ACER3: variants seen among roughly 807,000 people sequenced by gnomAD.
ACER3 encodes alkaline ceramidase 3.
A neutral mutation model predicts 48.9 loss-of-function variants in ACER3; 16 were observed. The ratio of observed to expected loss-of-function variants is 0.33; its 90% CI spans 0.22 to 0.50. ACER3 has a LOEUF of 0.50. Ranked by LOEUF, ACER3 falls within the 20% of genes least tolerant of loss-of-function variation. The pLI, the probability that ACER3 is intolerant of heterozygous loss-of-function variation, is 0.98. For missense variants in ACER3, 227 were observed against 326.0 expected, an observed-to-expected ratio of 0.70 and a Z score of 2.34; for synonymous variants, 109 against 107.8, an observed-to-expected ratio of 1.01 and a Z score of -0.07.
At chr11:76,905,519 T>G (rs1946206730) in intron 1 of ACER3, among the ~76,000 whole-genome samples, 1 of 152,170 alleles carries the variant, frequency 6.6e-6, no homozygotes, top group Non-Finnish European at 1.5e-5. Flanking sequence ...CCTTTCCATT[T>G]CTTTCTTTTT....
At chr11:76,991,040 T>C (rs1038382979) in intron 6 of ACER3, among the ~76,000 whole-genome samples, 55 of 152,300 alleles carry the variant, frequency 3.6e-4, no homozygotes, top group African/African-American at 1.2e-3. Context: ...GTGCATGCCA[T>C]CATGACACCA....
intron 1 of ACER3, among the ~76,000 whole-genome samples, chr11:76,918,985 TGCA>T (rs1176823789): frequency 5.8e-5 from 2 of 34,564 alleles, no homozygotes; most frequent in Non-Finnish European, 4.1e-4. Flanking sequence ...AAAATGAACT[TGCA>T]TTGGGGAAAA....
intron 2 of ACER3, among the ~76,000 whole-genome samples, chr11:76,937,156 A>G (rs1276490869): frequency 1.3e-5 from 2 of 152,222 alleles, no homozygotes; most frequent in Non-Finnish European, 2.9e-5. Context: ...AATAAGAGAA[A>G]TGCAAATGAA....
rs1404093514 is a variant in ACER3, at chr11:77,025,334, T to A, written c.*5007T>A. 1.3e-5 allele frequency: 2 copies of A among 150,692 alleles called. No individual in the cohort carries two copies. The highest frequency in any genetic ancestry group is 2.9e-5 in the Non-Finnish European group (2 of 67,814). The allele number at this position is 150,692 out of a possible 1,614,324, so 9.3% of individuals were successfully genotyped here. On this transcript the variant is annotated 3_prime_UTR_variant, in exon 11 of 11. Coordinates refer to ENST00000532485, the MANE Select transcript of ACER3 (RefSeq NM_018367.7). ...GTAAACTACAACCCATGGGCCAAATTCAGGCTGCGTTGTATGGCCTGCAAG... is the reference window on the plus strand; with the variant it reads ...GTAAACTACAACCCATGGGCCAAATACAGGCTGCGTTGTATGGCCTGCAAG...
chr11:77,006,872 G>C (rs1949161645), intron 7 of ACER3, among the ~76,000 whole-genome samples: 1 of 152,168 alleles, frequency 6.6e-6, no homozygotes, highest in Admixed American at 6.5e-5. Context: ...ATACATGGGA[G>C]GTTGAGGTGG....
intron 1 of ACER3, among the ~76,000 whole-genome samples, chr11:76,897,837 C>T (rs565492209): frequency 2.6e-5 from 4 of 152,166 alleles, no homozygotes; most frequent in South Asian, 4.2e-4. Context: ...ATGAAAAAAG[C>T]GGCTAAGTTG....
intron 7 of ACER3, 87 bp from the exon 8 acceptor site, chr11:77,014,929 A>G: frequency 2.5e-6 from 2 of 809,226 alleles, no homozygotes; most frequent in Admixed American, 2.1e-5. Flanking sequence ...AGCCCTTATA[A>G]AAAAGGAAGA....
intron 5 of ACER3, among the ~76,000 whole-genome samples, chr11:76,988,441 A>G (rs1043708014): frequency 2.0e-5 from 3 of 152,170 alleles, no homozygotes; most frequent in African/African-American, 7.2e-5. Context: ...AACTTAACAA[A>G]TCATCGTGGA....
At chr11:76,918,215 A>G (rs908224209) in intron 1 of ACER3, among the ~76,000 whole-genome samples, 5 of 150,458 alleles carry the variant, frequency 3.3e-5, no homozygotes, top group Non-Finnish European at 5.9e-5. Flanking sequence ...ATTGAATTAC[A>G]TTTGTGTTTA....
rs565837018 is a variant in ACER3, at chr11:76,964,175, C to A, written c.267+5144C>A. Among the ~76,000 whole-genome samples, 66 of 151,584 alleles carry A rather than the reference C, an allele frequency of 4.4e-4. 3 individuals are homozygous for A. Among genetic ancestry groups the A allele is most frequent in the African/African-American group, 1.4e-3 (58 of 40,846 alleles). The stretch of plus-strand genomic sequence containing the variant: ...CACACCAGGAGATTATATCCCGCAC[C>A]TGGCTCGGAGGGTCCTACGCCCACG... On this transcript the variant is annotated intron_variant, in intron 3 of 10. Transcript: ENST00000532485.
chr11:76,918,546 T>G (rs1946600035), intron 1 of ACER3, among the ~76,000 whole-genome samples: 1 of 151,590 alleles, frequency 6.6e-6, no homozygotes, highest in African/African-American at 2.4e-5. Flanking sequence ...TTATGTGGGG[T>G]TTTTTTTCAA....
In ACER3 at chr11:77,016,886, A is replaced by G. The variant is rs551571163; in HGVS notation, c.704+107A>G. On this transcript the variant is annotated intron_variant, in intron 9 of 10. Coordinates refer to ENST00000532485, the MANE Select transcript of ACER3 (RefSeq NM_018367.7). ...TTTTTAAAACACTAGAAAATTCACA[A>G]ACATGAAAATTAAATAGTACACTCT... The G allele has an allele frequency of 3.5e-5, 20 of 576,950 alleles. No homozygotes were observed. The South Asian group carries it at 5.7e-4, about 16-fold the overall frequency. The allele number at this position is 576,950 out of a possible 1,614,324, so 35.7% of individuals were successfully genotyped here. A position where few individuals can be genotyped will look rare whatever the true frequency, so the allele number is the denominator to read the frequency against.
chr11:76,955,046 G>A (rs1316211345), intron 2 of ACER3, among the ~76,000 whole-genome samples: 1 of 152,104 alleles, frequency 6.6e-6, no homozygotes, highest in African/African-American at 2.4e-5. Context: ...CCTCGTTAAG[G>A]AAATACTAAT....
intron 7 of ACER3, among the ~76,000 whole-genome samples, chr11:77,006,731 ATGT>A (rs1949158125): frequency 6.6e-6 from 1 of 151,680 alleles, no homozygotes; most frequent in South Asian, 2.1e-4. Flanking sequence ...CATAGGTAAG[ATGT>A]TGTTTGTCTC....
chr11:77,014,073 C>A (rs1321010703), intron 7 of ACER3, among the ~76,000 whole-genome samples: 1 of 152,118 alleles, frequency 6.6e-6, no homozygotes, highest in African/African-American at 2.4e-5. Context: ...TGGGTATGTA[C>A]AGATGTACTG....
At chr11:77,012,286 C>T (rs962267578) in intron 7 of ACER3, among the ~76,000 whole-genome samples, 29 of 151,888 alleles carry the variant, frequency 1.9e-4, no homozygotes, top group African/African-American at 5.6e-4. Flanking sequence ...GGCATGGTGG[C>T]GCACGCCTGT....
At chr11:76,885,758 G>C (rs545999538) in intron 1 of ACER3, among the ~76,000 whole-genome samples, 1 of 152,250 alleles carries the variant, frequency 6.6e-6, no homozygotes, top group African/African-American at 2.4e-5. Flanking sequence ...TGATAAATGA[G>C]GTAGTTGGGA....
chr11:77,018,649 G>A lies in ACER3; in HGVS notation c.705-1082G>A, dbSNP rs564788390. Reference sequence around the variant, plus strand: ...AAAAGTGCTACTCCAGAGAACACACGAATAGTGAAAGTGACACAGCCTTAT... The same window carrying A: ...AAAAGTGCTACTCCAGAGAACACACAAATAGTGAAAGTGACACAGCCTTAT... On this transcript the variant is annotated intron_variant, in intron 9 of 10. Transcript: ENST00000532485. Among the ~76,000 whole-genome samples the A allele has an allele frequency of 2.5e-3, 382 of 152,336 alleles. 2 individuals are homozygous for A. Among genetic ancestry groups the A allele is most frequent in the South Asian group, 0.023 (109 of 4,826 alleles).
intron 2 of ACER3, among the ~76,000 whole-genome samples, chr11:76,927,314 T>C (rs936968590): frequency 5.3e-5 from 8 of 152,188 alleles, no homozygotes; most frequent in African/African-American, 1.9e-4. Flanking sequence ...AAGTACTGGA[T>C]GGATGGGTAA....
Sources: allele counts gnomAD v4.1 joint callset (sites outside exome capture counted in the v4.1 genomes callset), GRCh38; gene constraint gnomAD v4.1.1; transcripts MANE v1.5; gene names NCBI Gene and HGNC (gene_info 2026-07-23, HGNC 2026-07-21).